RBFOX1: variants seen among roughly 807,000 people sequenced by gnomAD.
RBFOX1 encodes the protein RNA binding protein fox-1 homolog 1.
RBFOX1 carries 8 observed loss-of-function variants against 57.7 expected under a neutral mutation model. The observed-to-expected ratio is 0.14, with a 90% CI of 0.08 to 0.25. The LOEUF is 0.25. RBFOX1 is among the 10% of genes least tolerant of loss of function. The pLI, the probability that RBFOX1 is intolerant of heterozygous loss-of-function variation, is 1.00. For missense variants in RBFOX1, 611 were observed against 548.5 expected (o/e 1.11, Z -1.14); for synonymous variants, 326 against 222.4 (o/e 1.47, Z -4.15).
At chr16:5,912,646 T>G (rs1379623784) in intron 4 of RBFOX1, among the ~76,000 whole-genome samples, 2 of 152,218 alleles carry the variant, frequency 1.3e-5, no homozygotes, top group Non-Finnish European at 2.9e-5. Flanking sequence ...GTATAATTAT[T>G]TCCTATTTGC....
intron 2 of RBFOX1, among the ~76,000 whole-genome samples, chr16:6,419,860 G>A (rs2093726463): frequency 1.3e-5 from 2 of 152,156 alleles, no homozygotes; most frequent in African/African-American, 2.4e-5. Flanking sequence ...TTAATTGAAG[G>A]TGGAGGTCAG....
intron 4 of RBFOX1, among the ~76,000 whole-genome samples, chr16:7,358,271 G>C (rs1358530863): frequency 1.3e-5 from 2 of 152,162 alleles, no homozygotes; most frequent in East Asian, 1.9e-4. Context: ...AGAGAAAGAG[G>C]GTGGCCGTGC....
intron 5 of RBFOX1, among the ~76,000 whole-genome samples, chr16:7,545,784 T>C (rs1318737050): frequency 6.6e-6 from 1 of 152,068 alleles, no homozygotes. Context: ...AACGTGGTCT[T>C]GGGTCTCAGC....
At chr16:6,360,844 C>T (rs865937175) in intron 2 of RBFOX1, among the ~76,000 whole-genome samples, 4 of 152,228 alleles carry the variant, frequency 2.6e-5, no homozygotes, top group African/African-American at 9.6e-5. Flanking sequence ...GCGCCCCCTA[C>T]AGTTGTTCAG....
At position 6,725,151 on chromosome 16, in the gene RBFOX1, C is replaced by T. The variant is rs529761774; in HGVS notation, c.-16+70501C>T. The stretch of plus-strand genomic sequence containing the variant: ...CTGCAAGCTCTGCGTCCCGGGTTCA[C>T]GCCATTCTCCTGCCTCAGCCTCCCG... On this transcript the variant is annotated intron_variant, in intron 3 of 15. Coordinates refer to ENST00000550418, the MANE Select transcript of RBFOX1 (RefSeq NM_018723.4). 4.8e-3 allele frequency among the ~76,000 whole-genome samples: 713 copies of T among 149,912 alleles called. 2 individuals carry two copies. Among genetic ancestry groups the T allele is most frequent in the Non-Finnish European group, 6.5e-3 (438 of 67,672 alleles).
chr16:6,359,341 G>T (rs1214552026), intron 2 of RBFOX1, among the ~76,000 whole-genome samples: 2 of 152,096 alleles, frequency 1.3e-5, no homozygotes, highest in Non-Finnish European at 2.9e-5. Flanking sequence ...TGATCCTCCT[G>T]CCTCAGCCCC....
At chr16:6,632,888 C>G (rs1305066586) in intron 2 of RBFOX1, among the ~76,000 whole-genome samples, 3 of 152,154 alleles carry the variant, frequency 2.0e-5, no homozygotes, top group South Asian at 2.1e-4. Flanking sequence ...ACCATTTGAG[C>G]TCTCAGACAG....
intron 4 of RBFOX1, among the ~76,000 whole-genome samples, chr16:7,486,010 T>C (rs1323017251): frequency 1.3e-5 from 2 of 152,178 alleles, no homozygotes; most frequent in East Asian, 1.9e-4. Context: ...AAGTGTTTCC[T>C]GTCTGGCTCT....
intron 4 of RBFOX1, among the ~76,000 whole-genome samples, chr16:7,078,427 A>T (rs1272790567): frequency 6.6e-6 from 1 of 152,106 alleles, no homozygotes; most frequent in Non-Finnish European, 1.5e-5. Flanking sequence ...GGCTCACTGA[A>T]ACCTCCGCCT....
intron 12 of RBFOX1, among the ~76,000 whole-genome samples, chr16:7,654,640 GA>G (rs200225285): frequency 0.069 from 10,241 of 149,386 alleles, 569 homozygotes; most frequent in African/African-American, 0.15. Context: ...CTCAGTAAAA[GA>G]AAAAAAAAAA....
intron 1 of RBFOX1, among the ~76,000 whole-genome samples, chr16:5,425,688 G>A (rs1466042659): frequency 6.6e-6 from 1 of 152,208 alleles, no homozygotes; most frequent in Non-Finnish European, 1.5e-5. Context: ...GGGTGGTGCA[G>A]GGGCAGGGGA....
intron 1 of RBFOX1, among the ~76,000 whole-genome samples, chr16:5,264,219 C>T (rs951161456): frequency 7.9e-5 from 12 of 152,032 alleles, no homozygotes; most frequent in African/African-American, 2.9e-4. Flanking sequence ...GGCCAGAGAG[C>T]TTTACAGTGA....
chr16:5,931,217 G>A (rs534059855), intron 4 of RBFOX1, among the ~76,000 whole-genome samples: 1 of 152,222 alleles, frequency 6.6e-6, no homozygotes, highest in Admixed American at 6.5e-5. Flanking sequence ...TATTGCTCAT[G>A]GCCTCAGTGA....
At chr16:7,011,736 G>T (rs576299440) in intron 3 of RBFOX1, among the ~76,000 whole-genome samples, 1 of 152,212 alleles carries the variant, frequency 6.6e-6, no homozygotes, top group Admixed American at 6.5e-5. Context: ...GGATGGTCTC[G>T]ATCTCCTGAC....
chr16:6,960,297 A>C (rs6500891), intron 3 of RBFOX1, among the ~76,000 whole-genome samples: 99,197 of 151,974 alleles, frequency 0.65, 32,564 homozygotes, highest in African/African-American at 0.71. Context: ...ATAGATGAGA[A>C]GTTAATCACT....
chr16:5,356,078 G>A (rs552637312), intron 1 of RBFOX1, among the ~76,000 whole-genome samples: 356 of 152,260 alleles, frequency 2.3e-3, no homozygotes, highest in African/African-American at 8.0e-3. Context: ...GTGACAGAGC[G>A]AAACTCATTC....
chr16:7,237,977 C>G lies in RBFOX1; in HGVS notation c.27+185879C>G, dbSNP rs115906806. ...CCACGTCGCGTCCCTGCACGCAAGC[C>G]TAGGCAAGAAAGCAAGACCCTGTCT... On this transcript the variant is annotated intron_variant, in intron 4 of 15. Coordinates refer to ENST00000550418, the MANE Select transcript of RBFOX1 (RefSeq NM_018723.4). 2.9e-3 allele frequency among the ~76,000 whole-genome samples: 435 copies of G among 152,306 alleles called. 3 individuals are homozygous for G. Among genetic ancestry groups the G allele is most frequent in the African/African-American group, 9.7e-3 (402 of 41,558 alleles).
At chr16:6,195,013 G>T (rs2097170583) in intron 1 of RBFOX1, among the ~76,000 whole-genome samples, 1 of 152,128 alleles carries the variant, frequency 6.6e-6, no homozygotes, top group African/African-American at 2.4e-5. Context: ...CATGAAGTCT[G>T]CATTACTCTA....
At chr16:5,556,498 A>T (rs538893071) in intron 2 of RBFOX1, among the ~76,000 whole-genome samples, 1 of 152,224 alleles carries the variant, frequency 6.6e-6, no homozygotes, top group African/African-American at 2.4e-5. Context: ...CTTTTTCTAA[A>T]ACTTAAAGAA....
Sources: allele counts gnomAD v4.1 joint callset (sites outside exome capture counted in the v4.1 genomes callset), GRCh38; gene constraint gnomAD v4.1.1; transcripts MANE v1.5; gene names NCBI Gene and HGNC (gene_info 2026-07-23, HGNC 2026-07-21).